DAB1: variants seen among roughly 807,000 people sequenced by gnomAD.
DAB1 encodes disabled homolog 1.
DAB1 carries 15 observed loss-of-function variants against 64.6 expected under a neutral mutation model. That is an observed-to-expected ratio of 0.23 (90% confidence interval 0.16 to 0.36). The LOEUF is 0.36. Ranked by LOEUF, DAB1 falls within the 10% of genes least tolerant of loss-of-function variation. The pLI is 1.00. For missense variants in DAB1, 596 were observed against 706.7 expected (o/e 0.84, Z 1.78); for synonymous variants, 235 against 251.9 (o/e 0.93, Z 0.64).
intron 1 of DAB1, among the ~76,000 whole-genome samples, chr1:57,297,298 G>A (rs1420678424): frequency 6.6e-6 from 1 of 152,144 alleles, no homozygotes; most frequent in Non-Finnish European, 1.5e-5. Flanking sequence ...TGAGCCAGTT[G>A]ATAAACTTGA....
At chr1:57,262,713 A>C (rs575473526) in intron 2 of DAB1, among the ~76,000 whole-genome samples, 1 of 152,352 alleles carries the variant, frequency 6.6e-6, no homozygotes, top group South Asian at 2.1e-4. Context: ...GAACCCATAA[A>C]GTGAAATGTG....
chr1:57,233,179 C>T (rs1667814414), intron 2 of DAB1, among the ~76,000 whole-genome samples: 1 of 151,864 alleles, frequency 6.6e-6, no homozygotes, highest in African/African-American at 2.4e-5. Context: ...TTTTTATCTG[C>T]CTTCCTCCAG....
At chr1:57,642,053 T>C (rs1646136776) in intron 7 of DAB1, among the ~76,000 whole-genome samples, 1 of 152,170 alleles carries the variant, frequency 6.6e-6, no homozygotes, top group Non-Finnish European at 1.5e-5. Flanking sequence ...CTTTCTCACA[T>C]GTCCAGGGTC....
intron 2 of DAB1, among the ~76,000 whole-genome samples, chr1:58,526,003 A>G (rs973178562): frequency 3.3e-5 from 5 of 151,888 alleles, no homozygotes; most frequent in African/African-American, 1.2e-4. Context: ...TCCATAGGGG[A>G]AAAAAAAGAT....
chr1:57,051,477 G>T (rs1649181739), intron 9 of DAB1, among the ~76,000 whole-genome samples: 1 of 152,178 alleles, frequency 6.6e-6, no homozygotes, highest in Non-Finnish European at 1.5e-5. Flanking sequence ...CAGTTGTCCA[G>T]AGAATTCTTG....
intron 7 of DAB1, among the ~76,000 whole-genome samples, chr1:57,510,127 CT>C (rs1644389964): frequency 1.3e-5 from 2 of 152,096 alleles, no homozygotes; most frequent in Non-Finnish European, 2.9e-5. Context: ...AAATAAAGCC[CT>C]ACACACACAA....
intron 2 of DAB1, among the ~76,000 whole-genome samples, chr1:58,510,737 A>G (rs146953678): frequency 6.6e-6 from 1 of 151,846 alleles, no homozygotes; most frequent in Non-Finnish European, 1.5e-5. Flanking sequence ...CACACACACA[A>G]AAAAAAACCC....
intron 7 of DAB1, among the ~76,000 whole-genome samples, chr1:57,623,149 G>C (rs1645881999): frequency 6.6e-6 from 1 of 152,162 alleles, no homozygotes; most frequent in Non-Finnish European, 1.5e-5. Flanking sequence ...CGAGCCTGCT[G>C]TTCTGATCAA....
intron 5 of DAB1, among the ~76,000 whole-genome samples, chr1:57,992,356 G>A (rs1388177160): frequency 6.6e-6 from 1 of 152,140 alleles, no homozygotes; most frequent in Non-Finnish European, 1.5e-5. Flanking sequence ...TCCATAGATA[G>A]GACTTGTGCA....
rs139761438 is a variant in DAB1 at position 57,240,350 on chromosome 1, A to G, written c.67+50614T>C. On this transcript the variant is annotated intron_variant, in intron 2 of 14. Transcript: ENST00000371236. ...AGACAAACTGGAATGAATAAAACAA[A>G]CACATTAAATAATGGCTTTCTTGCA... 2.1e-3 allele frequency among the ~76,000 whole-genome samples: 326 copies of G among 152,322 alleles called. 4 individuals are homozygous for G. The highest frequency in any genetic ancestry group is 7.5e-3 in the African/African-American group (312 of 41,578).
chr1:57,970,480 A>G (rs181977664), intron 5 of DAB1, among the ~76,000 whole-genome samples: 2 of 152,258 alleles, frequency 1.3e-5, no homozygotes, highest in African/African-American at 4.8e-5. Context: ...TGAAGCCACA[A>G]TCAAATCTTT....
chr1:57,184,112 G>C (rs912113746), intron 2 of DAB1, among the ~76,000 whole-genome samples: 1 of 152,160 alleles, frequency 6.6e-6, no homozygotes, highest in Admixed American at 6.5e-5. Context: ...TATATGAATA[G>C]AGGTAAAGGG....
chr1:57,541,344 T>C (rs1396648692), intron 7 of DAB1, among the ~76,000 whole-genome samples: 2 of 152,168 alleles, frequency 1.3e-5, no homozygotes, highest in Admixed American at 1.3e-4. Context: ...TTAGCCAGGA[T>C]GGTCTCGATC....
intron 7 of DAB1, among the ~76,000 whole-genome samples, chr1:57,621,426 C>G (rs1036151662): frequency 2.0e-5 from 3 of 151,530 alleles, no homozygotes; most frequent in African/African-American, 7.3e-5. Flanking sequence ...ACTCATGAAC[C>G]CTCACTGAAG....
At chr1:58,200,050 T>G (rs1271643542) in intron 4 of DAB1, among the ~76,000 whole-genome samples, 1 of 152,174 alleles carries the variant, frequency 6.6e-6, no homozygotes, top group Non-Finnish European at 1.5e-5. Context: ...AGAACTCAGA[T>G]GCACAGAGAC....
At chr1:58,019,330 T>C (rs1275508629) in intron 5 of DAB1, among the ~76,000 whole-genome samples, 1 of 152,176 alleles carries the variant, frequency 6.6e-6, no homozygotes, top group African/African-American at 2.4e-5. Context: ...AGGTATTAAA[T>C]TTAGAAAATA....
chr1:58,216,362 T>C (rs1658854369), intron 4 of DAB1, among the ~76,000 whole-genome samples: 1 of 152,214 alleles, frequency 6.6e-6, no homozygotes, highest in South Asian at 2.1e-4. Context: ...CTTGAACTCA[T>C]CCTTTTTTAT....
chr1:57,507,115 C>G (rs1482466151), intron 7 of DAB1, among the ~76,000 whole-genome samples: 3 of 152,146 alleles, frequency 2.0e-5, no homozygotes, highest in Admixed American at 1.3e-4. Flanking sequence ...CCCACTGCCT[C>G]CAGGATAAAC....
intron 7 of DAB1, among the ~76,000 whole-genome samples, chr1:57,510,486 C>A (rs2101346930): frequency 6.6e-6 from 1 of 152,232 alleles, no homozygotes; most frequent in Middle Eastern, 3.4e-3. Context: ...GCTTAAGTAC[C>A]ATAGAAATGC....
Sources: gnomAD v4.1 joint callset for allele counts (sites outside exome capture counted in the v4.1 genomes callset) on GRCh38, gnomAD v4.1.1 for gene constraint, MANE v1.5 for transcripts, NCBI Gene and HGNC (gene_info 2026-07-23, HGNC 2026-07-21) for gene names.